MASP2: variants seen among roughly 807,000 people sequenced by gnomAD.
MASP2 encodes MBL associated serine protease 2.
MASP2 carries 49 observed loss-of-function variants against 57.1 expected under a neutral mutation model. That is an observed-to-expected ratio of 0.86 (90% confidence interval 0.68 to 1.09). The LOEUF (loss-of-function observed/expected upper bound fraction) is 1.09. Among genes scored for constraint, MASP2 ranks in the 50% least tolerant of loss-of-function variants. The probability of loss-of-function intolerance (pLI) is 0.00; values close to 1 mark genes in which losing one functional copy is unlikely to be tolerated. For synonymous variants in MASP2, 379 were observed against 340.8 expected (o/e 1.11, Z -1.24); for missense variants, 900 against 874.8 (o/e 1.03, Z -0.36).
intron 8 of MASP2, 45 bp downstream of exon 8, chr1:11,034,783 G>A: frequency 1.5e-6 from 2 of 1,292,182 alleles, no homozygotes; most frequent in Non-Finnish European, 1.1e-6. Flanking sequence ...GCAGCAGAGG[G>A]AGTTCCGGGC....
At chr1:11,045,030 G>C in intron 4 of MASP2, 2 of 1,388,196 alleles carry the variant, frequency 1.4e-6, no homozygotes, top group South Asian at 1.2e-5. Flanking sequence ...GTCAGCGCCA[G>C]CAGGTGGGGC....
At position 11,026,978 on chromosome 1, in the gene MASP2, A is replaced by G; in HGVS notation, c.1968T>C (p.Gly656=). The G allele has an allele frequency of 6.4e-7, 1 of 1,569,818 alleles. No individual in the cohort carries two copies. The highest frequency in any genetic ancestry group is 8.6e-7 in the Non-Finnish European group (1 of 1,161,370). Residue 656 remains glycine (G), a synonymous_variant, in exon 11 of 11, where the codon GGT becomes GGC. Coordinates refer to ENST00000400897, the MANE Select transcript of MASP2 (RefSeq NM_006610.4). The part of the protein sequence containing the change: ...RWFVGGIVSW[G]SMNCGEAGQY... ...GACCTGCTTCCCCACAATTCATGGA[A>G]CCCCAGGACACTATTCCTCCCACAA...
At chr1:11,039,366 ATGGATGGATG>A (rs1638344913) in intron 6 of MASP2, among the ~76,000 whole-genome samples, 1 of 141,640 alleles carries the variant, frequency 7.1e-6, no homozygotes, top group Non-Finnish European at 1.6e-5. Context: ...GGATGGATGG[ATGGATGGATG>A]GATAGATTGG....
intron 6 of MASP2, among the ~76,000 whole-genome samples, chr1:11,038,957 C>A (rs1244807685): frequency 6.6e-6 from 1 of 152,106 alleles, no homozygotes; most frequent in Non-Finnish European, 1.5e-5. Flanking sequence ...CAACTCATAC[C>A]CACACTTCAA....
At chr1:11,028,450 T>A (rs1043691625) in intron 10 of MASP2, among the ~76,000 whole-genome samples, 1 of 152,328 alleles carries the variant, frequency 6.6e-6, no homozygotes, top group East Asian at 1.9e-4. Context: ...ATTAGAATGT[T>A]GCAGTTGTGG....
chr1:11,045,107 C>G (rs979105954), intron 4 of MASP2: 1 of 800,180 alleles, frequency 1.2e-6, no homozygotes, highest in Non-Finnish European at 2.1e-6. Context: ...TCCCAAGGAA[C>G]GAGGGCTAGA....
rs1425133273 is a variant in MASP2 at position 11,043,505 on chromosome 1, C to A, written c.575G>T (p.Arg192Met). Residue 192 changes from arginine (R) to methionine (M), a missense_variant, in exon 5 of 11, where the codon AGG becomes ATG. Physicochemically the swap from Arg to Met is moderately conservative, Grantham distance 91 (BLOSUM62 -1). Coordinates refer to ENST00000400897, the MANE Select transcript of MASP2 (RefSeq NM_006610.4). ...TTCAGGGCTGCTGAGCTCCCCAGAC[C>A]TCTGGGTGAAGACCTGGCCGGAGCA... ...ALCSGQVFTQ[R>M]SGELSSPEYP... 1 of 1,606,158 alleles carries A rather than the reference C, an allele frequency of 6.2e-7. No homozygotes were observed. The highest frequency in any genetic ancestry group is 1.1e-5 in the South Asian group (1 of 89,462).
chr1:11,045,026 G>A (rs1638583666), intron 4 of MASP2: 6 of 1,429,596 alleles, frequency 4.2e-6, no homozygotes, highest in Admixed American at 1.8e-5. Context: ...CAGGGTCAGC[G>A]CCAGCAGGTG....
At chr1:11,043,058 G>A in intron 5 of MASP2, 36 bp from the exon 6 acceptor site, 1 of 1,608,528 alleles carries the variant, frequency 6.2e-7, no homozygotes, top group Non-Finnish European at 8.5e-7. Context: ...GGGAGCAGCT[G>A]CCTGGGTCTG....
intron 6 of MASP2, among the ~76,000 whole-genome samples, chr1:11,040,754 A>G (rs568063836): frequency 1.4e-5 from 2 of 144,522 alleles, no homozygotes; most frequent in African/African-American, 2.6e-5. Context: ...TGGGTAGATT[A>G]ATAGAAGAAT....
chr1:11,044,541 C>A (rs1394506801), intron 4 of MASP2, among the ~76,000 whole-genome samples: 1 of 152,164 alleles, frequency 6.6e-6, no homozygotes, highest in Non-Finnish European at 1.5e-5. Flanking sequence ...CAGGCTCCTC[C>A]AGGCCAGACC....
At chr1:11,036,510 C>CAAAAAA (rs35642467) in intron 7 of MASP2, among the ~76,000 whole-genome samples, 22 of 54,346 alleles carry the variant, frequency 4.0e-4, no homozygotes, top group Non-Finnish European at 4.6e-4. Flanking sequence ...GACTCCGTCT[C>CAAAAAA]AAAAAAAAAA....
Position 11,043,986 on chromosome 1 carries a change from G to A in MASP2, c.545-451C>T, listed in dbSNP as rs538785819. Among the ~76,000 whole-genome samples, 17 of 152,174 alleles carry A rather than the reference G, an allele frequency of 1.1e-4. 1 individual carries two copies. The South Asian group carries it at 3.3e-3, about 30-fold the overall frequency. On this transcript the variant is annotated intron_variant, in intron 4 of 10. Transcript: ENST00000400897. Reference sequence around the variant, plus strand: ...CTCTCCTTGGTCCCTGGGAATTCGGGAAAAGAGAGGAGCATCTCCTCGAGC... The same window carrying A: ...CTCTCCTTGGTCCCTGGGAATTCGGAAAAAGAGAGGAGCATCTCCTCGAGC...
Position 11,043,070 on chromosome 1 carries a change from C to T in MASP2, c.742-48G>A, listed in dbSNP as rs766746987. On this transcript the variant is annotated intron_variant, in intron 5 of 10. Coordinates refer to ENST00000400897, the MANE Select transcript of MASP2 (RefSeq NM_006610.4). ...CTGGGGAGCAGCTGCCTGGGTCTGGCCTGGGCCGGAGGGAAGTAACCCACC... is the reference window on the plus strand; with the variant it reads ...CTGGGGAGCAGCTGCCTGGGTCTGGTCTGGGCCGGAGGGAAGTAACCCACC... 9 of 1,600,722 alleles carry T rather than the reference C, an allele frequency of 5.6e-6. No individual in the cohort carries two copies. In the African/African-American group the frequency reaches 1.2e-4, roughly 21 times the overall value.
chr1:11,044,730 G>C (rs1638570298), intron 4 of MASP2: 1 of 1,375,760 alleles, frequency 7.3e-7, no homozygotes, highest in Non-Finnish European at 9.8e-7. Flanking sequence ...GCTGTGAGGA[G>C]GGTAGGCAGA....
chr1:11,047,102 C>T lies in MASP2; in HGVS notation c.23G>A (p.Gly8Asp), dbSNP rs2100910092. MRLLTLL[G>D]LLCGSVATPL... The stretch of plus-strand genomic sequence containing the variant: ...GGTGGCCACCGAGCCACACAGAAGG[C>T]CCAGGAGGGTCAGCAGCCTATGGGC... Residue 8 changes from glycine to aspartate, a missense_variant, in exon 2 of 11, where the codon GGC becomes GAC. By Grantham distance (94) the Gly-to-Asp change is moderately conservative (BLOSUM62 -1). Coordinates refer to ENST00000400897, the MANE Select transcript of MASP2 (RefSeq NM_006610.4). 6.4e-7 allele frequency: 1 copy of T among 1,550,568 alleles called. No homozygotes were observed. The highest frequency in any genetic ancestry group is 8.7e-7 in the Non-Finnish European group (1 of 1,146,880).
intron 7 of MASP2, among the ~76,000 whole-genome samples, chr1:11,036,627 CTCTT>C (rs1171849874): frequency 7.9e-6 from 1 of 125,988 alleles, no homozygotes; most frequent in African/African-American, 3.4e-5. Flanking sequence ...AAAAGTGTCT[CTCTT>C]TTTTTTTTTT....
intron 7 of MASP2, among the ~76,000 whole-genome samples, chr1:11,035,746 G>C (rs1643881595): frequency 6.6e-6 from 1 of 151,924 alleles, no homozygotes; most frequent in Non-Finnish European, 1.5e-5. Flanking sequence ...AAAGACAAAA[G>C]TTAGCCGGGC....
rs1301080632 is a variant in MASP2 at position 11,039,438 on chromosome 1, C to T, written c.890-1627G>A. ...GATGGGTGTATGGATAGATGGCTGG[C>T]TGGATAGAAAGATAAGTAAGGTAGA... On this transcript the variant is annotated intron_variant, in intron 6 of 10. Coordinates refer to ENST00000400897, the MANE Select transcript of MASP2 (RefSeq NM_006610.4). Among the ~76,000 whole-genome samples the T allele has an allele frequency of 2.4e-5, 3 of 125,330 alleles. No individual in the cohort carries two copies. In the East Asian group the frequency reaches 7.2e-4, roughly 30 times the overall value. 82.2% of individuals were successfully genotyped at this position (125,330 alleles called of 152,430 possible).
Sources: allele counts gnomAD v4.1 joint callset (sites outside exome capture counted in the v4.1 genomes callset), GRCh38; gene constraint gnomAD v4.1.1; transcripts MANE v1.5; gene names NCBI Gene and HGNC (gene_info 2026-07-23, HGNC 2026-07-21).